Variants in PCSK1 observed in about 807,000 individuals in gnomAD.
The protein encoded by PCSK1 is proprotein convertase subtilisin/kexin type 1, also known as neuroendocrine convertase 1.
A neutral mutation model predicts 90.6 loss-of-function variants in PCSK1; 56 were observed. The ratio of observed to expected loss-of-function variants is 0.62; its 90% CI spans 0.50 to 0.77. The LOEUF (loss-of-function observed/expected upper bound fraction) is 0.77. Ranked by LOEUF, PCSK1 falls within the 30% of genes least tolerant of loss-of-function variation. The pLI, the probability that PCSK1 is intolerant of heterozygous loss-of-function variation, is 0.00. For missense variants in PCSK1, 801 were observed against 932.6 expected (o/e 0.86, Z 1.84); for synonymous variants, 348 against 342.4 (o/e 1.02, Z -0.18).
chr5:96,399,116 C>CAAGA, intron 10 of PCSK1, 80 bp from the exon 11 acceptor site: 1 of 1,012,276 alleles, frequency 9.9e-7, no homozygotes, highest in Non-Finnish European at 1.5e-6. Context: ...ATGCATCAAT[C>CAAGA]TTGACTAGAT....
intron 2 of PCSK1, among the ~76,000 whole-genome samples, chr5:96,426,791 C>T (rs1207475193): frequency 6.6e-6 from 1 of 152,102 alleles, no homozygotes; most frequent in Non-Finnish European, 1.5e-5. Context: ...TGTGAGAGTA[C>T]TCATGAATCA....
intron 2 of PCSK1, among the ~76,000 whole-genome samples, chr5:96,427,938 A>G (rs561711165): frequency 2.0e-5 from 3 of 152,308 alleles, no homozygotes; most frequent in African/African-American, 4.8e-5. Context: ...AACTTCTGTA[A>G]TAAGGTCCAG....
Position 96,410,927 on chromosome 5 carries a change from T to A in PCSK1, c.942A>T (p.Gly314=). The A allele has an allele frequency of 6.2e-7, 1 of 1,613,902 alleles. No homozygotes were observed. Among genetic ancestry groups the A allele is most frequent in the Non-Finnish European group, 8.5e-7 (1 of 1,179,978 alleles). ...VWASGNGGRQ[G]DNCDCDGYTD... is the part of the protein sequence containing the mutation. ...TGTAGCCATCACAGTCACAATTATC[T>A]CCCTGACGCCCCCCGTTTCCCGAAG... The change falls in exon 8 of 14, where the codon GGA becomes GGT. Residue 314 remains glycine, a synonymous_variant. Coordinates refer to ENST00000311106, the MANE Select transcript of PCSK1 (RefSeq NM_000439.5).
chr5:96,425,691 C>A (rs1761283770), intron 3 of PCSK1, 129 bp downstream of exon 3: 2 of 681,406 alleles, frequency 2.9e-6, no homozygotes, highest in East Asian at 2.7e-5. Context: ...CAGCCCTAAT[C>A]TCCAGACAAT....
intron 4 of PCSK1, among the ~76,000 whole-genome samples, chr5:96,422,324 G>C (rs575802366): frequency 1.3e-5 from 2 of 152,134 alleles, no homozygotes; most frequent in Non-Finnish European, 2.9e-5. Context: ...AGGCCATAAA[G>C]CTAGTTAGTG....
chr5:96,406,912 A>C (rs1176618765), intron 9 of PCSK1, among the ~76,000 whole-genome samples: 4 of 152,248 alleles, frequency 2.6e-5, no homozygotes, highest in Non-Finnish European at 5.9e-5. Flanking sequence ...ATGAGGACAC[A>C]TAAAAAGCTG....
chr5:96,429,119 AC>A (rs972077787), intron 2 of PCSK1, 93 bp downstream of exon 2: 4 of 733,224 alleles, frequency 5.5e-6, no homozygotes, highest in African/African-American at 3.5e-5. Context: ...TAAAAAAAAA[AC>A]CACATTTGCA....
At chr5:96,426,729 C>T (rs1386144684) in intron 2 of PCSK1, among the ~76,000 whole-genome samples, 2 of 152,174 alleles carry the variant, frequency 1.3e-5, no homozygotes, top group Non-Finnish European at 2.9e-5. Context: ...CCAAACACAT[C>T]TTTTCTGCTG....
intron 2 of PCSK1, among the ~76,000 whole-genome samples, chr5:96,427,024 T>G (rs1220252653): frequency 2.0e-5 from 3 of 152,230 alleles, no homozygotes; most frequent in Non-Finnish European, 4.4e-5. Flanking sequence ...ATGCTGCCTA[T>G]CATCTGAGTT....
chr5:96,396,443 T>C (rs1282228006), intron 12 of PCSK1, among the ~76,000 whole-genome samples: 1 of 151,498 alleles, frequency 6.6e-6, no homozygotes, highest in Non-Finnish European at 1.5e-5. Flanking sequence ...TACCTGTAAT[T>C]CCAGCTAGTC....
In PCSK1 at chr5:96,393,199, G is replaced by A; in HGVS notation, c.2064C>T (p.Ser688=). Residue 688 remains serine, a synonymous_variant, in exon 14 of 14, where the codon TCC becomes TCT. Transcript: ENST00000311106. ...NSPPKQSPKK[S]PSAKLNIPYE... The stretch of plus-strand genomic sequence containing the variant: ...AAGGGATGTTGAGCTTTGCACTTGG[G>A]GACTTCTTTGGTGATTGCTTTGGCG... The A allele has an allele frequency of 1.2e-6, 2 of 1,614,088 alleles. No homozygotes were observed. The highest frequency in any genetic ancestry group is 1.3e-5 in the African/African-American group (1 of 75,028).
At chr5:96,426,097 T>A (rs903593259) in intron 2 of PCSK1, among the ~76,000 whole-genome samples, 167 bp from the exon 3 acceptor site, 1 of 152,218 alleles carries the variant, frequency 6.6e-6, no homozygotes, top group Admixed American at 6.5e-5. Flanking sequence ...GATTGCCCAC[T>A]GGGGAGATGA....
In PCSK1 at chr5:96,432,870, A is replaced by G; in HGVS notation, c.173T>C (p.Leu58Ser). The G allele has an allele frequency of 3.1e-6, 5 of 1,613,164 alleles. No homozygotes were observed. Among genetic ancestry groups the G allele is most frequent in the Non-Finnish European group, 4.2e-6 (5 of 1,179,474 alleles). Residue 58 changes from leucine (L) to serine (S), a missense_variant, in exon 1 of 14, where the codon TTG becomes TCG. Physicochemically the swap from Leu to Ser is moderately radical, Grantham distance 145 (BLOSUM62 -2). Transcript: ENST00000311106. ...GAAAGTGGAAACTCTTACCTGACCC[A>G]AAAGGTCATAGCCCAGCTCCTCGGC... ...AIAEELGYDL[L>S]GQIGSLENHY... is the part of the protein sequence containing the mutation.
At chr5:96,408,605 G>A (rs940077199) in intron 8 of PCSK1, among the ~76,000 whole-genome samples, 2 of 152,170 alleles carry the variant, frequency 1.3e-5, no homozygotes, top group African/African-American at 2.4e-5. Context: ...ATTCCCAAAC[G>A]AAATGCTGTC....
At chr5:96,405,888 T>C (rs934565213) in intron 9 of PCSK1, among the ~76,000 whole-genome samples, 7 of 152,210 alleles carry the variant, frequency 4.6e-5, no homozygotes, top group African/African-American at 1.7e-4. Context: ...TTTACATGCA[T>C]CTGACAGGTG....
In PCSK1 at chr5:96,410,688, G is replaced by C. The variant is rs938688744; in HGVS notation, c.1095+86C>G. On this transcript the variant is annotated intron_variant, in intron 8 of 13. Coordinates refer to ENST00000311106, the MANE Select transcript of PCSK1 (RefSeq NM_000439.5). ...GACATCAAGCTTAAGCGAATCAGTC[G>C]TACCAAAGGTCAGTTAGGGGAATCA... 8.4e-6 allele frequency: 9 copies of C among 1,076,538 alleles called. No individual in the cohort carries two copies. The Admixed American group carries it at 8.5e-5, about 10-fold the overall frequency. The allele number at this position is 1,076,538 out of a possible 1,614,324, so 66.7% of individuals were successfully genotyped here. A position where few individuals can be genotyped will look rare whatever the true frequency, so the allele number is the denominator to read the frequency against.
intron 8 of PCSK1, among the ~76,000 whole-genome samples, chr5:96,409,396 G>T (rs1355175030): frequency 6.6e-6 from 1 of 152,208 alleles, no homozygotes; most frequent in Non-Finnish European, 1.5e-5. Context: ...AAGCAAGGTT[G>T]CCCTTTTTAC....
In PCSK1 at chr5:96,393,140, T is replaced by C; in HGVS notation, c.2123A>G (p.Asn708Ser). 1.2e-6 allele frequency: 2 copies of C among 1,614,224 alleles called. No individual in the cohort carries two copies. The highest frequency in any genetic ancestry group is 1.7e-5 in the Admixed American group (1 of 60,028). The change falls in exon 14 of 14, where the codon AAC becomes AGC. Residue 708 changes from asparagine to serine, a missense_variant. Coordinates refer to ENST00000311106, the MANE Select transcript of PCSK1 (RefSeq NM_000439.5). ...AGAGTCTTTAAGCTGGGAAGGTTTGTTCAGCTTTTCCAGGGCTTCGTAGAA... is the reference window on the plus strand; with the variant it reads ...AGAGTCTTTAAGCTGGGAAGGTTTGCTCAGCTTTTCCAGGGCTTCGTAGAA... ...ENFYEALEKL[N>S]KPSQLKDSED...
chr5:96,406,557 C>T (rs932613399), intron 9 of PCSK1, among the ~76,000 whole-genome samples: 1 of 152,198 alleles, frequency 6.6e-6, no homozygotes, highest in Non-Finnish European at 1.5e-5. Context: ...AGCCATCTCA[C>T]AGCCGAGATA....
Sources: allele counts gnomAD v4.1 joint callset (sites outside exome capture counted in the v4.1 genomes callset), GRCh38; gene constraint gnomAD v4.1.1; transcripts MANE v1.5; gene names NCBI Gene and HGNC (gene_info 2026-07-23, HGNC 2026-07-21).